Variants in SLIT3 observed in about 807,000 individuals in gnomAD.
The protein encoded by SLIT3 is slit guidance ligand 3.
A neutral mutation model predicts 184.0 loss-of-function variants in SLIT3; 68 were observed. That is an observed-to-expected ratio of 0.37 (90% confidence interval 0.30 to 0.45). SLIT3 has a LOEUF of 0.45. Ranked by LOEUF, SLIT3 falls within the 20% of genes least tolerant of loss-of-function variation. The pLI is 1.00. For synonymous variants in SLIT3, 831 were observed against 828.6 expected, an observed-to-expected ratio of 1.00 and a Z score of -0.05; for missense variants, 1,707 against 2,026.0, an observed-to-expected ratio of 0.84 and a Z score of 3.02.
intron 4 of SLIT3, among the ~76,000 whole-genome samples, chr5:168,938,085 C>T (rs1425058712): frequency 6.6e-6 from 1 of 152,160 alleles, no homozygotes; most frequent in Non-Finnish European, 1.5e-5. Flanking sequence ...CTTGTTCTAA[C>T]GTACCAATAT....
intron 4 of SLIT3, among the ~76,000 whole-genome samples, chr5:169,131,874 C>T (rs1323151138): frequency 1.3e-5 from 2 of 152,196 alleles, no homozygotes; most frequent in African/African-American, 4.8e-5. Flanking sequence ...AAGGGTTTAG[C>T]TTCTTAAATA....
At chr5:168,666,903 C>G (rs1015377372) in intron 35 of SLIT3, 2 of 740,078 alleles carry the variant, frequency 2.7e-6, no homozygotes, top group Non-Finnish European at 4.6e-6. Context: ...TACACCTAAG[C>G]CGTGAGGATA....
At chr5:168,802,935 A>G (rs1461111881) in intron 9 of SLIT3, among the ~76,000 whole-genome samples, 4 of 152,246 alleles carry the variant, frequency 2.6e-5, no homozygotes, top group Non-Finnish European at 5.9e-5. Flanking sequence ...CAGAAAAGTT[A>G]TCTGCCCATG....
At chr5:168,795,956 C>A (rs1460074115) in intron 9 of SLIT3, among the ~76,000 whole-genome samples, 2 of 152,170 alleles carry the variant, frequency 1.3e-5, no homozygotes, top group African/African-American at 4.8e-5. Flanking sequence ...AAGAGATGGA[C>A]CATGGGCCAG....
intron 3 of SLIT3, among the ~76,000 whole-genome samples, chr5:169,219,526 C>G (rs867073422): frequency 2.7e-4 from 41 of 152,186 alleles, no homozygotes; most frequent in African/African-American, 9.9e-4. Flanking sequence ...CTTCATCAAC[C>G]AACACCTACC....
intron 4 of SLIT3, among the ~76,000 whole-genome samples, chr5:168,983,849 T>TA (rs1755032754): frequency 6.6e-6 from 1 of 152,112 alleles, no homozygotes; most frequent in Non-Finnish European, 1.5e-5. Context: ...ATTTGAGTCT[T>TA]AGGTTAAAAT....
At chr5:168,968,175 G>A (rs567697553) in intron 4 of SLIT3, among the ~76,000 whole-genome samples, 1 of 152,172 alleles carries the variant, frequency 6.6e-6, no homozygotes, top group African/African-American at 2.4e-5. Flanking sequence ...TCCCGGGTCA[G>A]CAAGGCTAAG....
intron 12 of SLIT3, among the ~76,000 whole-genome samples, chr5:168,784,963 G>A (rs1452127194): frequency 1.3e-5 from 2 of 151,322 alleles, no homozygotes; most frequent in East Asian, 3.9e-4. Context: ...TCTGAATGAA[G>A]GGCATGGCCA....
intron 5 of SLIT3, among the ~76,000 whole-genome samples, chr5:168,866,364 C>A (rs1759301462): frequency 6.6e-6 from 1 of 152,244 alleles, no homozygotes; most frequent in African/African-American, 2.4e-5. Flanking sequence ...GGCCCTCCCA[C>A]ATTCTCCAAT....
chr5:168,702,580 T>C (rs572047316), intron 26 of SLIT3, among the ~76,000 whole-genome samples: 144 of 152,190 alleles, frequency 9.5e-4, no homozygotes, highest in African/African-American at 3.2e-3. Context: ...TTACCACTTA[T>C]GAAATGGAAA....
chr5:169,248,397 C>T (rs551034639), intron 2 of SLIT3, among the ~76,000 whole-genome samples: 6 of 152,218 alleles, frequency 3.9e-5, no homozygotes, highest in African/African-American at 9.6e-5. Context: ...AACAAATCAT[C>T]GATATTTGAT....
chr5:169,196,814 A>G (rs1763757780), intron 3 of SLIT3, among the ~76,000 whole-genome samples: 1 of 151,946 alleles, frequency 6.6e-6, no homozygotes, highest in Admixed American at 6.6e-5. Flanking sequence ...CCTCCAACCC[A>G]TCCAAGGCAA....
intron 3 of SLIT3, among the ~76,000 whole-genome samples, chr5:169,242,005 T>C (rs975651704): frequency 1.3e-5 from 2 of 152,124 alleles, no homozygotes; most frequent in Non-Finnish European, 1.5e-5. Context: ...TAGAATGTGA[T>C]CAATAAAGAT....
chr5:168,956,651 G>GGGGTAAAAAAA lies in SLIT3; in HGVS notation c.414-73316_414-73315insTTTTTTTACCC, dbSNP rs757308688. On this transcript the variant is annotated intron_variant, in intron 4 of 35. Coordinates refer to ENST00000519560, the MANE Select transcript of SLIT3 (RefSeq NM_003062.4). ...TCTACTAAAAACACAAAAATTAGCT[G>GGGGTAAAAAAA]GCCGTGGTGGCGGGCGCCTGTAGTC... Among the ~76,000 whole-genome samples the GGGGTAAAAAAA allele has an allele frequency of 1.6e-3, 250 of 152,080 alleles. 2 individuals carry two copies. Among genetic ancestry groups the GGGGTAAAAAAA allele is most frequent in the Non-Finnish European group, 2.8e-3 (187 of 67,998 alleles).
At chr5:168,831,629 A>G (rs369070328) in intron 6 of SLIT3, among the ~76,000 whole-genome samples, 2 of 152,118 alleles carry the variant, frequency 1.3e-5, no homozygotes, top group African/African-American at 4.8e-5. Flanking sequence ...TTTTGTCTCA[A>G]TATTTGTACC....
chr5:168,871,987 A>T (rs187806271), intron 5 of SLIT3, among the ~76,000 whole-genome samples: 1 of 152,124 alleles, frequency 6.6e-6, no homozygotes, highest in Non-Finnish European at 1.5e-5. Context: ...GGGTCTTTGG[A>T]CCACTGGTCT....
chr5:169,021,058 GAGCT>G (rs1194719471), intron 4 of SLIT3, among the ~76,000 whole-genome samples: 1 of 152,178 alleles, frequency 6.6e-6, no homozygotes, highest in Non-Finnish European at 1.5e-5. Context: ...TTCTAGAAAT[GAGCT>G]ATGTGCTTAA....
chr5:168,849,108 A>G (rs1416606515), intron 5 of SLIT3, among the ~76,000 whole-genome samples: 1 of 152,264 alleles, frequency 6.6e-6, no homozygotes, highest in Non-Finnish European at 1.5e-5. Flanking sequence ...TTAAGTCCCC[A>G]TGAAGAATAC....
chr5:168,809,553 G>A (rs1757098053), intron 8 of SLIT3, among the ~76,000 whole-genome samples: 2 of 152,134 alleles, frequency 1.3e-5, no homozygotes, highest in South Asian at 4.1e-4. Context: ...AATGGACCAA[G>A]CCCATTCCCT....
Sources: gnomAD v4.1 joint callset for allele counts (sites outside exome capture counted in the v4.1 genomes callset) on GRCh38, gnomAD v4.1.1 for gene constraint, MANE v1.5 for transcripts, NCBI Gene and HGNC (gene_info 2026-07-23, HGNC 2026-07-21) for gene names.